TAFA5: variants seen among roughly 807,000 people sequenced by gnomAD.
The protein encoded by TAFA5 is chemokine-like protein TAFA-5.
A neutral mutation model predicts 15.3 loss-of-function variants in TAFA5; 6 were observed. That is an observed-to-expected ratio of 0.39 (90% CI 0.21 to 0.77). The LOEUF (loss-of-function observed/expected upper bound fraction) is 0.77, where lower values mean the gene tolerates loss of function less well. Ranked by LOEUF, TAFA5 falls within the 30% of genes least tolerant of loss-of-function variation. TAFA5 has a pLI of 0.41. For synonymous variants in TAFA5, 103 were observed against 80.7 expected (o/e 1.28, Z -1.48); for missense variants, 161 against 193.1 (o/e 0.83, Z 0.98).
chr22:48,685,956 G>A (rs1040014372), intron 2 of TAFA5, among the ~76,000 whole-genome samples: 3 of 135,436 alleles, frequency 2.2e-5, no homozygotes, highest in Admixed American at 6.8e-5. Context: ...CCCCACGTGC[G>A]CCCCGGGAGT....
intron 1 of TAFA5, among the ~76,000 whole-genome samples, chr22:48,641,110 G>T (rs949761692): frequency 9.3e-5 from 14 of 149,808 alleles, no homozygotes; most frequent in South Asian, 2.1e-4. Context: ...GTTGGTGGGG[G>T]TCTGCCCTAT....
chr22:48,640,307 G>C (rs12484698), intron 1 of TAFA5, among the ~76,000 whole-genome samples: 13,812 of 152,188 alleles, frequency 0.091, 728 homozygotes, highest in East Asian at 0.23. Context: ...GCTGGCGTCT[G>C]AGTGGGCATG....
chr22:48,730,117 G>A (rs553542465), intron 3 of TAFA5, among the ~76,000 whole-genome samples: 2 of 152,324 alleles, frequency 1.3e-5, no homozygotes, highest in South Asian at 4.1e-4. Context: ...GGGCACGGTG[G>A]CTTACGCCTG....
intron 1 of TAFA5, among the ~76,000 whole-genome samples, chr22:48,499,285 G>A (rs769450975): frequency 2.2e-4 from 33 of 152,130 alleles, no homozygotes; most frequent in Admixed American, 5.9e-4. Flanking sequence ...CGACGGCGGC[G>A]CCCATCAGCC....
intron 1 of TAFA5, among the ~76,000 whole-genome samples, chr22:48,584,596 ACAC>A (rs1377483618): frequency 2.7e-5 from 4 of 148,824 alleles, no homozygotes; most frequent in Admixed American, 6.7e-5. Context: ...CACCTCACAC[ACAC>A]CACACCACAC....
intron 1 of TAFA5, among the ~76,000 whole-genome samples, chr22:48,553,025 C>G (rs1400270923): frequency 6.6e-6 from 1 of 152,190 alleles, no homozygotes; most frequent in East Asian, 1.9e-4. Context: ...ATTCATGCAT[C>G]TTTCACCCCG....
chr22:48,634,137 C>CTCACTCACTCATTTAT (rs1555894549), intron 1 of TAFA5, among the ~76,000 whole-genome samples: 2 of 151,036 alleles, frequency 1.3e-5, no homozygotes. Flanking sequence ...CACTCACTCA[C>CTCACTCACTCATTTAT]TCACTCATTT....
At chr22:48,608,179 C>A (rs948695899) in intron 1 of TAFA5, among the ~76,000 whole-genome samples, 1 of 151,706 alleles carries the variant, frequency 6.6e-6, no homozygotes, top group Non-Finnish European at 1.5e-5. Context: ...CCACCACCGA[C>A]GCTGATTTTG....
At position 48,614,185 on chromosome 22, in the gene TAFA5, C is replaced by T. The variant is rs151146599; in HGVS notation, c.113-32412C>T. 1.6e-3 allele frequency among the ~76,000 whole-genome samples: 238 copies of T among 152,280 alleles called. 8 individuals are homozygous for T. In the East Asian group the frequency reaches 0.037, roughly 24 times the overall value. ...CAGGCGCCCTCTCCTGAAGGGCCTG[C>T]GCAGAGCTGGGGGCCCGAACCATTC... On this transcript the variant is annotated intron_variant, in intron 1 of 3. Coordinates refer to ENST00000402357, the MANE Select transcript of TAFA5 (RefSeq NM_001082967.3).
At chr22:48,544,785 C>A (rs1325286969) in intron 1 of TAFA5, 3 of 471,152 alleles carry the variant, frequency 6.4e-6, no homozygotes, top group South Asian at 4.6e-5. Flanking sequence ...CTGGCTGTTA[C>A]CACGATCTAG....
intron 1 of TAFA5, among the ~76,000 whole-genome samples, chr22:48,636,013 G>A (rs1202499792): frequency 6.6e-6 from 1 of 152,240 alleles, no homozygotes; most frequent in African/African-American, 2.4e-5. Context: ...CACACTTCCT[G>A]TGGGCCCTGC....
At chr22:48,632,450 G>C (rs1184319701) in intron 1 of TAFA5, among the ~76,000 whole-genome samples, 3 of 150,690 alleles carry the variant, frequency 2.0e-5, no homozygotes, top group Non-Finnish European at 4.4e-5. Flanking sequence ...GTGGGGTCCA[G>C]AGTTACACCC....
chr22:48,736,065 A>AAC (rs1267438972), intron 3 of TAFA5, among the ~76,000 whole-genome samples: 1 of 72,116 alleles, frequency 1.4e-5, no homozygotes, highest in African/African-American at 6.3e-5. Context: ...GAGGAATGAG[A>AAC]ATCGCACTCC....
Position 48,489,811 on chromosome 22 carries a change from C to G in TAFA5, c.112+107C>G. 1 of 600,080 alleles carries G rather than the reference C, an allele frequency of 1.7e-6. No individual in the cohort carries two copies. Among genetic ancestry groups the G allele is most frequent in the Non-Finnish European group, 2.5e-6 (1 of 397,222 alleles). 37.2% of individuals were successfully genotyped at this position (600,080 alleles called of 1,614,324 possible). A position where few individuals can be genotyped will look rare whatever the true frequency, so the allele number is the denominator to read the frequency against. On this transcript the variant is annotated intron_variant, in intron 1 of 3. Transcript: ENST00000402357. This position sits in a 1 kb window ranked among gnomAD's most constrained non-coding sequence, Gnocchi z 5.5. ...GCCTCCCGGAGTCGGCGCGGAGTTA[C>G]GAGCGCCGGGCGCATGGTCCCCCGA...
At chr22:48,505,923 C>T (rs1038736597) in intron 1 of TAFA5, among the ~76,000 whole-genome samples, 14 of 152,336 alleles carry the variant, frequency 9.2e-5, no homozygotes, top group African/African-American at 2.9e-4. Context: ...GCTGGCACGG[C>T]GTGGTCCAAG....
intron 1 of TAFA5, chr22:48,545,678 C>G (rs558116591): frequency 6.6e-6 from 1 of 152,474 alleles, no homozygotes; most frequent in Non-Finnish European, 1.5e-5. Flanking sequence ...CAGGTGGGCT[C>G]TAGGGTGTGG....
chr22:48,516,060 T>C (rs924482341), intron 1 of TAFA5, among the ~76,000 whole-genome samples: 2 of 151,812 alleles, frequency 1.3e-5, no homozygotes, highest in Non-Finnish European at 2.9e-5. Flanking sequence ...CCTCACCCAA[T>C]GGCAGGTTGA....
intron 2 of TAFA5, among the ~76,000 whole-genome samples, chr22:48,682,083 G>T (rs1248069544): frequency 6.6e-6 from 1 of 151,596 alleles, no homozygotes; most frequent in Admixed American, 6.6e-5. Context: ...AGCACAGTGG[G>T]TGTTTGATGA....
At chr22:48,613,706 G>A (rs115448396) in intron 1 of TAFA5, among the ~76,000 whole-genome samples, 3,744 of 152,326 alleles carry the variant, frequency 0.025, 141 homozygotes, top group African/African-American at 0.084. Context: ...GCCTTTCCCC[G>A]GCTGCCCTTG....
Sources: allele counts gnomAD v4.1 joint callset (sites outside exome capture counted in the v4.1 genomes callset), GRCh38; gene constraint gnomAD v4.1.1; non-coding constraint Gnocchi (gnomAD v3.1); transcripts MANE v1.5; gene names NCBI Gene and HGNC (gene_info 2026-07-23, HGNC 2026-07-21).